Variants in CDH9 observed in about 807,000 individuals in gnomAD.
CDH9 encodes the protein cadherin 9.
Under a neutral mutation model 70.9 loss-of-function variants are expected in CDH9, and 28 were observed. The observed-to-expected ratio is 0.40, with a 90% CI of 0.29 to 0.54. The LOEUF (loss-of-function observed/expected upper bound fraction) is 0.54. CDH9 is among the 20% of genes least tolerant of loss of function. CDH9 has a pLI of 0.59. For synonymous variants in CDH9, 409 were observed against 343.1 expected (o/e 1.19, Z -2.12); for missense variants, 874 against 984.4 (o/e 0.89, Z 1.50).
chr5:26,993,767 C>T (rs1742621263), intron 1 of CDH9, among the ~76,000 whole-genome samples: 1 of 140,994 alleles, frequency 7.1e-6, no homozygotes, highest in Non-Finnish European at 1.5e-5. Flanking sequence ...AAAGATAATT[C>T]AGGTATGTGT....
intron 1 of CDH9, among the ~76,000 whole-genome samples, chr5:26,988,696 A>C (rs1368270061): frequency 3.3e-5 from 5 of 152,072 alleles, no homozygotes; most frequent in Admixed American, 3.3e-4. Context: ...TACAGCATAC[A>C]TATTATCACA....
intron 2 of CDH9, among the ~76,000 whole-genome samples, chr5:26,965,784 C>T (rs539201295): frequency 1.3e-5 from 2 of 151,930 alleles, no homozygotes; most frequent in Admixed American, 6.6e-5. Flanking sequence ...TACTTTGGTC[C>T]GTTTTTGCCC....
intron 7 of CDH9, among the ~76,000 whole-genome samples, chr5:26,900,423 C>T (rs1241664952): frequency 1.3e-5 from 2 of 151,966 alleles, no homozygotes; most frequent in African/African-American, 2.4e-5. Context: ...AAGCGTCATG[C>T]AAAAGTGACT....
rs145851560 is a variant in CDH9 at position 26,983,175 on chromosome 5, G to A, written c.228+4931C>T. ...GATACTCCCTGGGAAGGGGTCTGCG[G>A]ATGTGATGAACAAAAGGTCAGGTGT... is the stretch of plus-strand genomic sequence containing the variant. On this transcript the variant is annotated intron_variant, in intron 2 of 11. Coordinates refer to ENST00000231021, the MANE Select transcript of CDH9 (RefSeq NM_016279.4). Among the ~76,000 whole-genome samples, 4 of 152,262 alleles carry A rather than the reference G, an allele frequency of 2.6e-5. No individual in the cohort carries two copies. The East Asian group carries it at 7.7e-4, about 29-fold the overall frequency.
At position 26,902,705 on chromosome 5, in the gene CDH9, G is replaced by A. The variant is rs760678783; in HGVS notation, c.1024C>T (p.Leu342Phe). ...KQNLDFENQM[L>F]YTLRVDASNT... ...CTTGCATCCACTCTTAAAGTATAGA[G>A]CATTTGATTTTCAAAATCTAAATTC... Residue 342 changes from leucine (L) to phenylalanine (F), a missense_variant, in exon 7 of 12, where the codon CTC becomes TTC. Leu to Phe is a conservative substitution (Grantham distance 22). Transcript: ENST00000231021. 50 of 1,559,510 alleles carry A rather than the reference G, an allele frequency of 3.2e-5. No homozygotes were observed. Among genetic ancestry groups the A allele is most frequent in the African/African-American group, 4.1e-5 (3 of 73,620 alleles).
intron 1 of CDH9, among the ~76,000 whole-genome samples, chr5:26,991,256 C>A (rs529120213): frequency 2.0e-5 from 3 of 152,252 alleles, no homozygotes; most frequent in African/African-American, 7.2e-5. Context: ...TGGCCACACA[C>A]CCACACTCCA....
intron 1 of CDH9, among the ~76,000 whole-genome samples, chr5:26,997,769 G>A (rs575063561): frequency 1.1e-4 from 17 of 150,492 alleles, no homozygotes; most frequent in Non-Finnish European, 2.2e-4. Context: ...GTGTGATCTC[G>A]GCTCACCACA....
At chr5:26,937,615 T>C (rs1741582660) in intron 2 of CDH9, among the ~76,000 whole-genome samples, 1 of 152,044 alleles carries the variant, frequency 6.6e-6, no homozygotes. Flanking sequence ...TCATGGTACA[T>C]CCCTATAATG....
At chr5:27,019,095 A>C (rs951702278) in intron 1 of CDH9, among the ~76,000 whole-genome samples, 4 of 152,026 alleles carry the variant, frequency 2.6e-5, no homozygotes, top group African/African-American at 9.7e-5. Flanking sequence ...GGAATCCCAA[A>C]AAAAGTAGTA....
chr5:26,966,229 C>T (rs183860212), intron 2 of CDH9, among the ~76,000 whole-genome samples: 199 of 152,274 alleles, frequency 1.3e-3, no homozygotes, highest in South Asian at 5.6e-3. Flanking sequence ...TAAAGCAATT[C>T]CAGCCCTGAA....
chr5:27,031,331 A>T (rs1481909561), intron 1 of CDH9, among the ~76,000 whole-genome samples: 1 of 151,924 alleles, frequency 6.6e-6, no homozygotes, highest in Non-Finnish European at 1.5e-5. Context: ...TTATAGAACA[A>T]AATATTATTT....
chr5:26,970,157 A>G (rs879788752), intron 2 of CDH9, among the ~76,000 whole-genome samples: 1 of 151,622 alleles, frequency 6.6e-6, no homozygotes, highest in Non-Finnish European at 1.5e-5. Flanking sequence ...AAAGTTAATG[A>G]ATATAATTAA....
intron 1 of CDH9, among the ~76,000 whole-genome samples, chr5:27,005,541 A>G (rs1742848836): frequency 6.6e-6 from 1 of 152,172 alleles, no homozygotes; most frequent in African/African-American, 2.4e-5. Flanking sequence ...GGTCGTGGAG[A>G]AAAGCAAACA....
chr5:26,881,883 T>C (rs1028499687), intron 11 of CDH9, among the ~76,000 whole-genome samples: 10 of 152,090 alleles, frequency 6.6e-5, no homozygotes, highest in African/African-American at 2.4e-4. Flanking sequence ...CAAGTACAAC[T>C]ATTATATTTA....
intron 1 of CDH9, among the ~76,000 whole-genome samples, chr5:27,000,622 T>G (rs898416286): frequency 2.2e-4 from 33 of 152,136 alleles, no homozygotes; most frequent in African/African-American, 7.7e-4. Flanking sequence ...ACATATATAC[T>G]TGATTGAAAA....
chr5:26,954,375 T>C (rs1309339420), intron 2 of CDH9, among the ~76,000 whole-genome samples: 16 of 140,658 alleles, frequency 1.1e-4, no homozygotes, highest in African/African-American at 4.1e-4. Flanking sequence ...CTTTTCGCTA[T>C]TATACAGCCT....
chr5:26,942,341 T>C (rs2112036891), intron 2 of CDH9, among the ~76,000 whole-genome samples: 1 of 152,164 alleles, frequency 6.6e-6, no homozygotes, highest in South Asian at 2.1e-4. Context: ...GAACTACAAT[T>C]CAAGATGAGA....
intron 1 of CDH9, among the ~76,000 whole-genome samples, chr5:27,002,265 A>G (rs1239258073): frequency 6.6e-6 from 1 of 152,170 alleles, no homozygotes; most frequent in Non-Finnish European, 1.5e-5. Context: ...AAATGTCAGG[A>G]AACAACAGGT....
chr5:26,944,387 A>G (rs1002279372), intron 2 of CDH9, among the ~76,000 whole-genome samples: 3 of 152,168 alleles, frequency 2.0e-5, no homozygotes, highest in Non-Finnish European at 2.9e-5. Flanking sequence ...GCAGAATCTC[A>G]TGCCTGTAAT....
Sources: gnomAD v4.1 joint callset for allele counts (sites outside exome capture counted in the v4.1 genomes callset) on GRCh38, gnomAD v4.1.1 for gene constraint, MANE v1.5 for transcripts, NCBI Gene and HGNC (gene_info 2026-07-23, HGNC 2026-07-21) for gene names.